Variants in TFPI observed in about 807,000 individuals in gnomAD.
TFPI encodes the protein anti-convertin.
In TFPI, 15 loss-of-function variants were observed where a neutral mutation model predicts 34.6. The ratio of observed to expected loss-of-function variants is 0.43; its 90% CI spans 0.29 to 0.67. The LOEUF (loss-of-function observed/expected upper bound fraction) is 0.67. TFPI is among the 30% of genes least tolerant of loss of function. TFPI has a pLI of 0.15. For missense variants in TFPI, 301 were observed against 364.0 expected, an observed-to-expected ratio of 0.83 and a Z score of 1.41; for synonymous variants, 105 against 120.1, an observed-to-expected ratio of 0.87 and a Z score of 0.82.
chr2:187,522,885 T>C lies in TFPI; in HGVS notation c.-2-19115A>G, dbSNP rs577534624. On this transcript the variant is annotated intron_variant, in intron 1 of 7. Transcript: ENST00000233156. ...CAGCCTGGGTGACAGAGCGAGACTGTGTCTCAAAATAAATAAATAAATAAA... is the reference window on the plus strand; with the variant it reads ...CAGCCTGGGTGACAGAGCGAGACTGCGTCTCAAAATAAATAAATAAATAAA... Among the ~76,000 whole-genome samples the C allele has an allele frequency of 5.4e-4, 70 of 129,166 alleles. 1 individual carries two copies. Among genetic ancestry groups the C allele is most frequent in the Admixed American group, 1.4e-3 (16 of 11,320 alleles). 84.7% of individuals were successfully genotyped at this position (129,166 alleles called of 152,430 possible).
chr2:187,529,018 G>A (rs1687822910), intron 1 of TFPI, among the ~76,000 whole-genome samples: 1 of 152,164 alleles, frequency 6.6e-6, no homozygotes, highest in African/African-American at 2.4e-5. Context: ...AACTATGTTG[G>A]TAGGACCAGT....
intron 1 of TFPI, among the ~76,000 whole-genome samples, chr2:187,533,922 A>T (rs190801420): frequency 6.6e-6 from 1 of 152,382 alleles, no homozygotes; most frequent in Non-Finnish European, 1.5e-5. Context: ...TGAAGCATAC[A>T]CAAGTATCAA....
intron 6 of TFPI, among the ~76,000 whole-genome samples, chr2:187,482,146 C>G (rs1445870767): frequency 6.6e-6 from 1 of 151,666 alleles, no homozygotes; most frequent in Non-Finnish European, 1.5e-5. Flanking sequence ...ACTCTACTCA[C>G]TTTAATGATA....
intron 6 of TFPI, among the ~76,000 whole-genome samples, chr2:187,477,859 G>T (rs1043065777): frequency 2.6e-5 from 4 of 152,130 alleles, no homozygotes; most frequent in African/African-American, 9.7e-5. Context: ...ACATTCAGGA[G>T]AGGGATAGAG....
chr2:187,545,126 G>T (rs146166803), intron 1 of TFPI, among the ~76,000 whole-genome samples: 78 of 151,984 alleles, frequency 5.1e-4, no homozygotes, highest in African/African-American at 1.3e-3. Flanking sequence ...AAAGAAAAAA[G>T]AAAAAGAAAA....
Position 187,465,662 on chromosome 2 carries a change from C to T in TFPI, c.*1274G>A, listed in dbSNP as rs1361755360. 6.6e-6 allele frequency: 1 copy of T among 150,548 alleles called. No homozygotes were observed. Among genetic ancestry groups the T allele is most frequent in the Non-Finnish European group, 1.5e-5 (1 of 67,810 alleles). 9.3% of individuals were successfully genotyped at this position (150,548 alleles called of 1,614,324 possible). On this transcript the variant is annotated 3_prime_UTR_variant, in exon 8 of 8. Transcript: ENST00000233156. Reference sequence around the variant, plus strand: ...TCTAAATTGAGTTCAAAATTTCAATCCTGAAGAACAGGCAGAATTATACTA... The same window carrying T: ...TCTAAATTGAGTTCAAAATTTCAATTCTGAAGAACAGGCAGAATTATACTA...
At chr2:187,501,109 A>G (rs8176428) in intron 2 of TFPI, among the ~76,000 whole-genome samples, 207 of 152,282 alleles carry the variant, frequency 1.4e-3, no homozygotes, top group African/African-American at 4.6e-3. Flanking sequence ...CTTGAAGGAA[A>G]TGTTTACAGA....
chr2:187,532,702 C>T (rs1052521470), intron 1 of TFPI, among the ~76,000 whole-genome samples: 2 of 152,050 alleles, frequency 1.3e-5, no homozygotes, highest in African/African-American at 4.8e-5. Context: ...TTTCATACCC[C>T]AGTGGCGTCT....
At chr2:187,504,266 C>G (rs1248520391) in intron 1 of TFPI, among the ~76,000 whole-genome samples, 1 of 152,028 alleles carries the variant, frequency 6.6e-6, no homozygotes, top group Non-Finnish European at 1.5e-5. Context: ...AACACATTTT[C>G]AGAATTTTCA....
At chr2:187,486,040 T>C (rs1693237508) in intron 4 of TFPI, among the ~76,000 whole-genome samples, 1 of 151,732 alleles carries the variant, frequency 6.6e-6, no homozygotes, top group Admixed American at 6.6e-5. Flanking sequence ...ACAAACTCCT[T>C]ATTGAAAAGT....
intron 6 of TFPI, among the ~76,000 whole-genome samples, chr2:187,473,515 CT>C (rs1167153493): frequency 6.6e-6 from 1 of 151,744 alleles, no homozygotes; most frequent in Non-Finnish European, 1.5e-5. Context: ...CTTTTATTTT[CT>C]TTTTTATTCA....
intron 2 of TFPI, among the ~76,000 whole-genome samples, chr2:187,501,805 C>G (rs1685870870): frequency 6.6e-6 from 1 of 152,086 alleles, no homozygotes; most frequent in Non-Finnish European, 1.5e-5. Flanking sequence ...TTTTAAAAAG[C>G]TTATCACTAC....
intron 1 of TFPI, among the ~76,000 whole-genome samples, chr2:187,549,267 CACA>C (rs1216545320): frequency 1.3e-5 from 2 of 152,082 alleles, no homozygotes; most frequent in Non-Finnish European, 2.9e-5. Flanking sequence ...AACTTCCTTT[CACA>C]ACAAGAGAAA....
At chr2:187,505,987 ATTTT>A (rs67619431) in intron 1 of TFPI, among the ~76,000 whole-genome samples, 1 of 147,136 alleles carries the variant, frequency 6.8e-6, no homozygotes, top group Non-Finnish European at 1.5e-5. Context: ...AGCGTATGTA[ATTTT>A]TTTTTTAAAA....
At chr2:187,544,733 T>C (rs1298589527) in intron 1 of TFPI, 1 of 152,186 alleles carries the variant, frequency 6.6e-6, no homozygotes, top group African/African-American at 2.4e-5. Context: ...AACTACTTGA[T>C]GAAAAATTTC....
chr2:187,518,834 A>C (rs1297891958), intron 1 of TFPI: 1 of 151,798 alleles, frequency 6.6e-6, no homozygotes, highest in Non-Finnish European at 1.5e-5. Flanking sequence ...GGCTTTGTTC[A>C]TTCTCCTTTT....
chr2:187,536,905 A>G (rs1407335588), intron 1 of TFPI, among the ~76,000 whole-genome samples: 3 of 152,158 alleles, frequency 2.0e-5, no homozygotes, highest in Non-Finnish European at 4.4e-5. Flanking sequence ...TACAAAATCA[A>G]TGTGAAAAAA....
intron 1 of TFPI, among the ~76,000 whole-genome samples, chr2:187,505,529 G>A (rs1228977060): frequency 1.3e-5 from 2 of 152,138 alleles, no homozygotes; most frequent in African/African-American, 4.8e-5. Flanking sequence ...ACACTCCTTA[G>A]ACAGCTTTAT....
intron 1 of TFPI, among the ~76,000 whole-genome samples, chr2:187,539,564 A>G (rs1477057690): frequency 1.3e-5 from 2 of 152,216 alleles, no homozygotes; most frequent in Non-Finnish European, 2.9e-5. Flanking sequence ...GTGTAACCTT[A>G]GTGCATTTTC....
Sources: gnomAD v4.1 joint callset for allele counts (sites outside exome capture counted in the v4.1 genomes callset) on GRCh38, gnomAD v4.1.1 for gene constraint, MANE v1.5 for transcripts, NCBI Gene and HGNC (gene_info 2026-07-23, HGNC 2026-07-21) for gene names.